Variants in GEMIN5 observed in about 807,000 individuals in gnomAD.
The protein encoded by GEMIN5 is gem nuclear organelle associated protein 5.
A neutral mutation model predicts 176.9 loss-of-function variants in GEMIN5; 124 were observed. The ratio of observed to expected loss-of-function variants is 0.70; its 90% CI spans 0.61 to 0.81. The LOEUF is 0.81. GEMIN5 is among the 40% of genes least tolerant of loss of function. GEMIN5 has a pLI of 0.00. For synonymous variants in GEMIN5, 673 were observed against 665.2 expected (o/e 1.01, Z -0.18); for missense variants, 1,843 against 1,814.6 (o/e 1.02, Z -0.28).
chr5:154,898,001 G>C (rs1763387278), intron 23 of GEMIN5, among the ~76,000 whole-genome samples: 2 of 145,030 alleles, frequency 1.4e-5, no homozygotes, highest in African/African-American at 5.1e-5. Flanking sequence ...CCGGGTTCAA[G>C]TGATTCTCCT....
rs1336471985 is a variant in GEMIN5, at chr5:154,907,822, C to A, written c.2168-4G>T. 4.4e-6 allele frequency: 7 copies of A among 1,601,718 alleles called. No individual in the cohort carries two copies. Among genetic ancestry groups the A allele is most frequent in the South Asian group, 1.1e-5 (1 of 90,678 alleles). The stretch of plus-strand genomic sequence containing the variant: ...TCCAATTCAATACTTTTTTTGCCTA[C>A]AAGAATCACAATAAAGGACTGACTA... On this transcript the variant is annotated splice_region_variant and splice_polypyrimidine_tract_variant and intron_variant, in intron 15 of 27. Transcript: ENST00000285873.
chr5:154,898,655 AAT>A lies in GEMIN5; in HGVS notation c.3135-7_3135-6del. On this transcript the variant is annotated splice_polypyrimidine_tract_variant and splice_region_variant and intron_variant, in intron 22 of 27. Transcript: ENST00000285873. ...GCACAAGTGGCCCCTAAATAGCTAT[AAT>A]ATGAATAAAAATGTGAAGAAAATGT... 1 of 1,593,398 alleles carries A rather than the reference AAT, an allele frequency of 6.3e-7. No individual in the cohort carries two copies. The highest frequency in any genetic ancestry group is 8.6e-7 in the Non-Finnish European group (1 of 1,161,198).
chr5:154,919,333 C>T (rs1763874559), intron 11 of GEMIN5, among the ~76,000 whole-genome samples: 3 of 151,678 alleles, frequency 2.0e-5, no homozygotes, highest in Admixed American at 1.3e-4. Context: ...CTCTGTCACA[C>T]ACACAAAAAA....
Position 154,898,656 on chromosome 5 carries a change from A to ATATGAAGAACTAT in GEMIN5, c.3135-7_3135-6insATAGTTCTTCATA. The ATATGAAGAACTAT allele has an allele frequency of 6.3e-7, 1 of 1,592,472 alleles. No homozygotes were observed. Among genetic ancestry groups the ATATGAAGAACTAT allele is most frequent in the Non-Finnish European group, 8.6e-7 (1 of 1,160,278 alleles). On this transcript the variant is annotated splice_polypyrimidine_tract_variant and splice_region_variant and intron_variant, in intron 22 of 27. Coordinates refer to ENST00000285873, the MANE Select transcript of GEMIN5 (RefSeq NM_015465.5). ...CACAAGTGGCCCCTAAATAGCTATA[A>ATATGAAGAACTAT]TATGAATAAAAATGTGAAGAAAATG...
At chr5:154,911,290 T>A (rs1365342829) in intron 15 of GEMIN5, among the ~76,000 whole-genome samples, 1 of 152,076 alleles carries the variant, frequency 6.6e-6, no homozygotes, top group East Asian at 1.9e-4. Flanking sequence ...GATAGGCAGA[T>A]CACTTGAGGC....
intron 3 of GEMIN5, among the ~76,000 whole-genome samples, chr5:154,934,906 T>C (rs1236349526): frequency 1.3e-5 from 2 of 152,240 alleles, no homozygotes; most frequent in African/African-American, 4.8e-5. Flanking sequence ...CTCTGACTTA[T>C]GCCTCAATGA....
chr5:154,921,440 G>C lies in GEMIN5; in HGVS notation c.1380-15C>G. 1 of 1,180,018 alleles carries C rather than the reference G, an allele frequency of 8.5e-7. No individual in the cohort carries two copies. The highest frequency in any genetic ancestry group is 1.3e-5 in the South Asian group (1 of 75,026). The allele number at this position is 1,180,018 out of a possible 1,614,324, so 73.1% of individuals were successfully genotyped here. A position where few individuals can be genotyped will look rare whatever the true frequency, so the allele number is the denominator to read the frequency against. On this transcript the variant is annotated splice_polypyrimidine_tract_variant and intron_variant, in intron 9 of 27. Transcript: ENST00000285873. ...TCTGTGGAGGCCTTTAGAAGAGCAG[G>C]GAGAGAGAACAAATGGAGATTTAAA... is the stretch of plus-strand genomic sequence containing the variant.
In GEMIN5 at chr5:154,892,530, T is replaced by C. The variant is rs1330613103; in HGVS notation, c.3617A>G (p.His1206Arg). The change falls in exon 25 of 28, where the codon CAT becomes CGT. Residue 1206 changes from histidine to arginine, a missense_variant. Coordinates refer to ENST00000285873, the MANE Select transcript of GEMIN5 (RefSeq NM_015465.5). ...GCTCAGCACTGCCAGGGTCAAGTCA[T>C]GGCAAATGTGAAGCAGGAGCTGGAG... ...PAKQLLLHIC[H>R]DLTLAVLSQQ... is the part of the protein sequence containing the mutation. 2.5e-6 allele frequency: 4 copies of C among 1,614,056 alleles called. No homozygotes were observed. The highest frequency in any genetic ancestry group is 2.7e-5 in the African/African-American group (2 of 75,056).
At chr5:154,908,172 CTTTTTTTT>C (rs386405383) in intron 15 of GEMIN5, among the ~76,000 whole-genome samples, 13 of 73,080 alleles carry the variant, frequency 1.8e-4, no homozygotes, top group Admixed American at 4.9e-4. Flanking sequence ...CCCAGATGTC[CTTTTTTTT>C]TTTTTTTTTT....
chr5:154,905,518 C>A (rs2113472942), intron 16 of GEMIN5, 42 bp from the exon 17 acceptor site: 1 of 905,354 alleles, frequency 1.1e-6, no homozygotes, highest in Non-Finnish European at 1.7e-6. Context: ...TTAAGGATAA[C>A]AATAATACAG....
At chr5:154,896,974 A>G (rs1359745339) in intron 23 of GEMIN5, among the ~76,000 whole-genome samples, 1 of 152,168 alleles carries the variant, frequency 6.6e-6, no homozygotes, top group African/African-American at 2.4e-5. Flanking sequence ...GTTGCACAAA[A>G]CCAAAATAGC....
In GEMIN5 at chr5:154,911,781, A is replaced by G. The variant is rs773179098; in HGVS notation, c.2113T>C (p.Phe705Leu). The G allele has an allele frequency of 1.2e-6, 2 of 1,614,130 alleles. No individual in the cohort carries two copies. Among genetic ancestry groups the G allele is most frequent in the Admixed American group, 3.3e-5 (2 of 60,024 alleles). Residue 705 changes from phenylalanine (F) to leucine (L), a missense_variant, in exon 15 of 28, where the codon TTT becomes CTT. Transcript: ENST00000285873. Reference protein sequence around the residue: ...PDCIYSGADDFCVHKWLTSMQ... With the variant: ...PDCIYSGADDLCVHKWLTSMQ... ...GAAGTGAGCCACTTGTGCACACAAA[A>G]GTCATCTGCCCCTGAATAGATGCAG...
rs1561710268 is a variant in GEMIN5, at chr5:154,896,409, C to G, written c.3346-66G>C. 4.1e-6 allele frequency: 6 copies of G among 1,445,902 alleles called. No individual in the cohort carries two copies. In the East Asian group the frequency reaches 1.2e-4, roughly 29 times the overall value. 89.6% of individuals were successfully genotyped at this position (1,445,902 alleles called of 1,614,324 possible). On this transcript the variant is annotated intron_variant, in intron 23 of 27. Transcript: ENST00000285873. The stretch of plus-strand genomic sequence containing the variant: ...AAAGCACTGGATGATCTCGAGAGCT[C>G]TCCCGTGTCCTTCAAAGTATTTCCC...
rs376067368 is a variant in GEMIN5, at chr5:154,889,328, C to T, written c.4352G>A (p.Ser1451Asn). 2.8e-5 allele frequency: 44 copies of T among 1,554,308 alleles called. No homozygotes were observed. The highest frequency in any genetic ancestry group is 3.9e-5 in the Non-Finnish European group (44 of 1,125,788). The change falls in exon 27 of 28, where the codon AGC (serine) becomes AAC (asparagine). Residue 1451 changes from serine to asparagine, a missense_variant. Physicochemically the swap from Ser to Asn is conservative, Grantham distance 46. Transcript: ENST00000285873. The part of the protein sequence containing the change: ...ANQRMAKFPE[S>N]IKAWPFPDVL... ...AACTGCTTTAACTCTTACCTTAATG[C>T]TCTCAGGAAATTTCGCCATTCTCTG...
chr5:154,931,684 C>A (rs1764168508), intron 4 of GEMIN5, 107 bp from the exon 5 acceptor site: 2 of 840,006 alleles, frequency 2.4e-6, no homozygotes, highest in Admixed American at 2.7e-5. Context: ...TTTCATAGGT[C>A]TGAACTATAA....
intron 24 of GEMIN5, among the ~76,000 whole-genome samples, chr5:154,895,476 T>A (rs1395306792): frequency 6.6e-6 from 1 of 152,002 alleles, no homozygotes; most frequent in Non-Finnish European, 1.5e-5. Flanking sequence ...AAACAATACA[T>A]GTGGCACTGA....
intron 9 of GEMIN5, 41 bp downstream of exon 9, chr5:154,924,428 C>A: frequency 7.5e-7 from 1 of 1,325,812 alleles, no homozygotes; most frequent in Non-Finnish European, 1.1e-6. Context: ...AACCTTTTGG[C>A]TCCCCGGGCC....
chr5:154,899,372 A>C, intron 21 of GEMIN5, 62 bp from the exon 22 acceptor site: 1 of 1,388,138 alleles, frequency 7.2e-7, no homozygotes, highest in Non-Finnish European at 9.6e-7. Context: ...TGGTCCTAGG[A>C]GGGGCTGTAA....
rs760777423 is a variant in GEMIN5 at position 154,898,496 on chromosome 5, G to C, written c.3289C>G (p.Leu1097Val). ...LALRCAQELL[L>V]ANNWVGAQEA... The stretch of plus-strand genomic sequence containing the variant: ...TGGGCTCCCACCCAGTTGTTGGCCA[G>C]AAGCAGCTCTTGGGCACATCTGAGA... The change falls in exon 23 of 28, where the codon CTG (leucine) becomes GTG (valine). Residue 1097 changes from leucine to valine, a missense_variant. Transcript: ENST00000285873. The C allele has an allele frequency of 1.2e-6, 2 of 1,614,196 alleles. No homozygotes were observed. Among genetic ancestry groups the C allele is most frequent in the African/African-American group, 2.7e-5 (2 of 75,056 alleles).
Sources: allele counts gnomAD v4.1 joint callset (sites outside exome capture counted in the v4.1 genomes callset), GRCh38; gene constraint gnomAD v4.1.1; transcripts MANE v1.5; gene names NCBI Gene and HGNC (gene_info 2026-07-23, HGNC 2026-07-21).